RTN1: variants seen among roughly 807,000 people sequenced by gnomAD.
The protein encoded by RTN1 is reticulon 1, also known as reticulon-1.
In RTN1, 25 loss-of-function variants were observed where a neutral mutation model predicts 65.5. The ratio of observed to expected loss-of-function variants is 0.38; its 90% CI spans 0.28 to 0.53. The LOEUF (loss-of-function observed/expected upper bound fraction) is 0.53, where lower values mean the gene tolerates loss of function less well. Ranked by LOEUF, RTN1 falls within the 20% of genes least tolerant of loss-of-function variation. The pLI, the probability that RTN1 is intolerant of heterozygous loss-of-function variation, is 0.79. For missense variants in RTN1, 983 were observed against 1,025.4 expected (o/e 0.96, Z 0.57); for synonymous variants, 471 against 447.6 (o/e 1.05, Z -0.66).
intron 1 of RTN1, among the ~76,000 whole-genome samples, chr14:59,760,886 T>A (rs940450789): frequency 9.2e-5 from 14 of 152,230 alleles, no homozygotes; most frequent in African/African-American, 3.4e-4. Context: ...TTCATCCTGG[T>A]CCCTCTAAAA....
chr14:59,616,193 T>A (rs1237889266), intron 3 of RTN1, among the ~76,000 whole-genome samples: 1 of 152,200 alleles, frequency 6.6e-6, no homozygotes, highest in Admixed American at 6.5e-5. Context: ...TATTGGTATA[T>A]GCTCTGAAAT....
intron 8 of RTN1, among the ~76,000 whole-genome samples, 171 bp downstream of exon 8, chr14:59,602,894 C>T (rs1828766047): frequency 6.6e-6 from 1 of 152,054 alleles, no homozygotes; most frequent in Non-Finnish European, 1.5e-5. Flanking sequence ...AAAACTTATG[C>T]TTATTTTCTA....
chr14:59,775,383 C>CT (rs376351410), intron 1 of RTN1, among the ~76,000 whole-genome samples: 1 of 151,190 alleles, frequency 6.6e-6, no homozygotes, highest in African/African-American at 2.4e-5. Context: ...CATTTTTGAC[C>CT]TTTTTTTTTG....
chr14:59,779,334 T>C (rs1379182697), intron 1 of RTN1, among the ~76,000 whole-genome samples: 1 of 151,902 alleles, frequency 6.6e-6, no homozygotes, highest in African/African-American at 2.4e-5. Context: ...AGAAAATAAA[T>C]TCTATTAATA....
At chr14:59,597,368 A>G (rs977085999) in intron 8 of RTN1, among the ~76,000 whole-genome samples, 1 of 152,264 alleles carries the variant, frequency 6.6e-6, no homozygotes, top group Non-Finnish European at 1.5e-5. Flanking sequence ...AATACTCATT[A>G]AAATGTGGGC....
At chr14:59,702,520 G>C (rs1411767327) in intron 3 of RTN1, among the ~76,000 whole-genome samples, 2 of 152,046 alleles carry the variant, frequency 1.3e-5, no homozygotes, top group Non-Finnish European at 2.9e-5. Context: ...CATTCTCTAG[G>C]GCTGCTGAAA....
In RTN1 at chr14:59,758,515, C is replaced by T. The variant is rs553022242; in HGVS notation, c.242-12034G>A. ...CTGTGCCTCTGCTCAAGCCCTTCTC[C>T]TCAATTGAAAGGCTCCTTCACTCTT... On this transcript the variant is annotated intron_variant, in intron 1 of 8. Transcript: ENST00000267484. Among the ~76,000 whole-genome samples, 121 of 152,270 alleles carry T rather than the reference C, an allele frequency of 7.9e-4. 1 individual carries two copies. Among genetic ancestry groups the T allele is most frequent in the Non-Finnish European group, 1.5e-3 (100 of 68,022 alleles).
intron 1 of RTN1, among the ~76,000 whole-genome samples, chr14:59,799,812 G>T (rs993620903): frequency 1.3e-5 from 2 of 152,170 alleles, no homozygotes; most frequent in African/African-American, 4.8e-5. Context: ...CTGGGCTGGG[G>T]TTGGCTGGGG....
chr14:59,855,445 G>T (rs565130733), intron 1 of RTN1, among the ~76,000 whole-genome samples: 22 of 151,996 alleles, frequency 1.4e-4, no homozygotes, highest in African/African-American at 5.3e-4. Context: ...TTTCTTTGCT[G>T]GGACTTTCTA....
chr14:59,672,457 C>T (rs1026685368), intron 3 of RTN1, among the ~76,000 whole-genome samples: 1 of 152,036 alleles, frequency 6.6e-6, no homozygotes, highest in African/African-American at 2.4e-5. Flanking sequence ...CTTCGAGTTT[C>T]ATAATAATCC....
intron 1 of RTN1, among the ~76,000 whole-genome samples, chr14:59,751,628 G>T (rs1885525022): frequency 6.6e-6 from 1 of 152,152 alleles, no homozygotes; most frequent in African/African-American, 2.4e-5. Flanking sequence ...GACATAGCAG[G>T]TGGTTTATTT....
At position 59,749,102 on chromosome 14, in the gene RTN1, C is replaced by CTATATATATATA. The variant is rs1212484111; in HGVS notation, c.242-2633_242-2622dup. On this transcript the variant is annotated intron_variant, in intron 1 of 8. Transcript: ENST00000267484. The stretch of plus-strand genomic sequence containing the variant: ...CACGCCGGGGCATCTATATATATAT[C>CTATATATATATA]TATATATATATATATATATATAGAT... Among the ~76,000 whole-genome samples the CTATATATATATA allele has an allele frequency of 2.7e-5, 2 of 74,176 alleles. 1 individual carries two copies. The highest frequency in any genetic ancestry group is 1.7e-4 in the African/African-American group (2 of 11,890). The allele number at this position is 74,176 out of a possible 152,430, so 48.7% of individuals were successfully genotyped here.
chr14:59,824,242 A>G (rs1448676994), intron 1 of RTN1, among the ~76,000 whole-genome samples: 1 of 152,218 alleles, frequency 6.6e-6, no homozygotes, highest in East Asian at 1.9e-4. Context: ...ATGTATTCTA[A>G]TAAACATAAA....
chr14:59,645,322 A>G (rs549469922), intron 3 of RTN1, among the ~76,000 whole-genome samples: 1 of 151,730 alleles, frequency 6.6e-6, no homozygotes, highest in Admixed American at 6.6e-5. Flanking sequence ...ACTGGAGCAG[A>G]CCTCCTGCAT....
At chr14:59,612,974 G>A (rs1881998858) in intron 3 of RTN1, among the ~76,000 whole-genome samples, 2 of 152,128 alleles carry the variant, frequency 1.3e-5, no homozygotes, top group South Asian at 4.1e-4. Context: ...GTTGGCTTCT[G>A]GAATAATTCC....
At chr14:59,678,421 G>A (rs1424902417) in intron 3 of RTN1, among the ~76,000 whole-genome samples, 1 of 152,172 alleles carries the variant, frequency 6.6e-6, no homozygotes, top group Non-Finnish European at 1.5e-5. Context: ...GGATTCCACT[G>A]TCTGAGAGAA....
intron 3 of RTN1, among the ~76,000 whole-genome samples, chr14:59,672,118 G>A (rs117871553): frequency 6.6e-6 from 1 of 152,216 alleles, no homozygotes; most frequent in Non-Finnish European, 1.5e-5. Flanking sequence ...GCAGGGAAGA[G>A]TGCCCTGGCT....
intron 3 of RTN1, among the ~76,000 whole-genome samples, chr14:59,641,227 C>G (rs1483578994): frequency 6.6e-6 from 1 of 152,104 alleles, no homozygotes; most frequent in Non-Finnish European, 1.5e-5. Context: ...CTTGGCCTCC[C>G]AAGTGTTAGG....
chr14:59,630,711 G>A, intron 3 of RTN1: 6 of 1,132,392 alleles, frequency 5.3e-6, no homozygotes, highest in Non-Finnish European at 6.5e-6. Flanking sequence ...GCGCGGCGCG[G>A]CCCCGGAGCC....
Sources: allele counts gnomAD v4.1 joint callset (sites outside exome capture counted in the v4.1 genomes callset), GRCh38; gene constraint gnomAD v4.1.1; transcripts MANE v1.5; gene names NCBI Gene and HGNC (gene_info 2026-07-23, HGNC 2026-07-21).